Variants in TCF25 observed in about 807,000 individuals in gnomAD.
TCF25 encodes the protein TCF25 ribosome quality control complex subunit, also known as ribosome quality control complex subunit TCF25.
TCF25 carries 41 observed loss-of-function variants against 83.1 expected under a neutral mutation model. That is an observed-to-expected ratio of 0.49 (90% CI 0.38 to 0.64). The LOEUF (loss-of-function observed/expected upper bound fraction) is 0.64. Among genes scored for constraint, TCF25 ranks in the 30% least tolerant of loss-of-function variants. The pLI is 0.00. For synonymous variants in TCF25, 458 were observed against 365.0 expected, an observed-to-expected ratio of 1.25 and a Z score of -2.90; for missense variants, 979 against 914.5, an observed-to-expected ratio of 1.07 and a Z score of -0.91.
chr16:89,889,285 C>T, intron 5 of TCF25: 1 of 380,362 alleles, frequency 2.6e-6, no homozygotes, highest in South Asian at 2.0e-5. Flanking sequence ...TCAAGTGATC[C>T]TCCCATCTCA....
chr16:89,895,197 C>T, intron 8 of TCF25, 60 bp downstream of exon 8: 4 of 1,483,252 alleles, frequency 2.7e-6, no homozygotes, highest in African/African-American at 1.4e-5. Flanking sequence ...GCTATCAAGA[C>T]AGATGCGATG....
chr16:89,907,369 CTCCCAGT>C (rs143440936), intron 16 of TCF25, 47 bp downstream of exon 16: 428,969 of 758,316 alleles, frequency 0.57, 168,851 homozygotes, highest in Non-Finnish European at 0.63. Flanking sequence ...CACCTCCCTC[CTCCCAGT>C]TCCCAGCTCC....
intron 14 of TCF25, among the ~76,000 whole-genome samples, chr16:89,905,747 T>C (rs1322896944): frequency 6.6e-6 from 1 of 152,232 alleles, no homozygotes; most frequent in East Asian, 1.9e-4. Flanking sequence ...GCGTGTCTGC[T>C]GTCCCCACTG....
chr16:89,900,285 C>T (rs1278592572), intron 11 of TCF25, among the ~76,000 whole-genome samples: 4 of 151,992 alleles, frequency 2.6e-5, no homozygotes, highest in African/African-American at 4.8e-5. Flanking sequence ...CAGACTCGCG[C>T]GGGGGTGGGC....
intron 4 of TCF25, among the ~76,000 whole-genome samples, chr16:89,887,374 ACT>A (rs2043097767): frequency 6.6e-6 from 1 of 151,508 alleles, no homozygotes; most frequent in South Asian, 2.1e-4. Context: ...CACTGCCCCG[ACT>A]CAGCCTCAGA....
chr16:89,885,082 C>T (rs1056017508), intron 3 of TCF25, among the ~76,000 whole-genome samples: 8 of 137,690 alleles, frequency 5.8e-5, no homozygotes, highest in Admixed American at 4.4e-4. Context: ...CTCTGCCTGA[C>T]GCCCTCTCCC....
intron 1 of TCF25, chr16:89,874,575 CTT>C (rs2042027832): frequency 6.6e-6 from 1 of 152,446 alleles, no homozygotes; most frequent in African/African-American, 2.4e-5. Flanking sequence ...TAGTCTTACT[CTT>C]TGCTGCATCT....
At chr16:89,907,897 GCCTCCCA>G (rs1483487303) in intron 16 of TCF25, among the ~76,000 whole-genome samples, 1 of 13,532 alleles carries the variant, frequency 7.4e-5, no homozygotes, top group Non-Finnish European at 1.3e-4. Flanking sequence ...CCCAGCTCCC[GCCTCCCA>G]CCTCCCAGCT....
intron 16 of TCF25, among the ~76,000 whole-genome samples, chr16:89,908,593 TCCCGCCTCCC>T (rs2045226945): frequency 1.9e-5 from 1 of 51,746 alleles, no homozygotes; most frequent in Non-Finnish European, 4.6e-5. Context: ...ACCTCCCAGC[TCCCGCCTCCC>T]TCCTCCCAGC....
At chr16:89,880,573 G>C (rs898643371) in intron 1 of TCF25, among the ~76,000 whole-genome samples, 1 of 151,272 alleles carries the variant, frequency 6.6e-6, no homozygotes, top group Non-Finnish European at 1.5e-5. Context: ...AACAGAGCAA[G>C]ACTCCATCTC....
rs748352805 is a variant in TCF25 at position 89,883,520 on chromosome 16, G to C, written c.354+8G>C. On this transcript the variant is annotated splice_region_variant and intron_variant, in intron 2 of 17. Coordinates refer to ENST00000263346, the MANE Select transcript of TCF25 (RefSeq NM_014972.3). ...ACAGTGCCCTCAGAGCAGGTGGGGGGCTGAGTGGTGAGGAGGTGGCATCAG... is the reference window on the plus strand; with the variant it reads ...ACAGTGCCCTCAGAGCAGGTGGGGGCCTGAGTGGTGAGGAGGTGGCATCAG... 2.8e-5 allele frequency: 45 copies of C among 1,590,940 alleles called. No homozygotes were observed. Among genetic ancestry groups the C allele is most frequent in the Middle Eastern group, 1.8e-4 (1 of 5,656 alleles).
chr16:89,892,606 C>G (rs1690345118), intron 6 of TCF25, among the ~76,000 whole-genome samples: 1 of 152,244 alleles, frequency 6.6e-6, no homozygotes. Flanking sequence ...AACGCAGGTT[C>G]TTCCTACCAT....
intron 16 of TCF25, among the ~76,000 whole-genome samples, chr16:89,907,658 C>T: frequency 1.6e-5 from 2 of 125,218 alleles, no homozygotes; most frequent in African/African-American, 3.4e-5. Flanking sequence ...CCTCCCAGCT[C>T]CCAGCTCCCT....
chr16:89,899,989 G>T (rs565650976), intron 11 of TCF25, among the ~76,000 whole-genome samples: 1 of 152,324 alleles, frequency 6.6e-6, no homozygotes, highest in East Asian at 1.9e-4. Flanking sequence ...TCACCCCCAG[G>T]AATGTGGTTT....
intron 1 of TCF25, among the ~76,000 whole-genome samples, chr16:89,876,041 G>C (rs1416738964): frequency 6.6e-6 from 1 of 151,524 alleles, no homozygotes; most frequent in Non-Finnish European, 1.5e-5. Flanking sequence ...TATTTGTGTT[G>C]GTGGGAATTT....
Position 89,885,912 on chromosome 16 carries a change from G to A in TCF25, c.494G>A (p.Arg165His), listed in dbSNP as rs745567962. The A allele has an allele frequency of 3.5e-5, 56 of 1,610,260 alleles. No individual in the cohort carries two copies. Among genetic ancestry groups the A allele is most frequent in the Admixed American group, 8.4e-5 (5 of 59,744 alleles). Residue 165 changes from arginine to histidine, a missense_variant, in exon 4 of 18, where the codon CGT becomes CAT. Transcript: ENST00000263346. Reference sequence around the variant, plus strand: ...ATTGAGGACAGCACTGGGTTGAACCGTCCCGGCCCAGCTCCCCTGAGCTCC... The same window carrying A: ...ATTGAGGACAGCACTGGGTTGAACCATCCCGGCCCAGCTCCCCTGAGCTCC... ...ERIEDSTGLN[R>H]PGPAPLSSRK... is the part of the protein sequence containing the mutation.
At position 89,894,428 on chromosome 16, in the gene TCF25, C is replaced by G. The variant is rs550083217; in HGVS notation, c.828+570C>G. 1.2e-4 allele frequency among the ~76,000 whole-genome samples: 19 copies of G among 152,180 alleles called. No individual in the cohort carries two copies. The South Asian group carries it at 3.9e-3, about 32-fold the overall frequency. On this transcript the variant is annotated intron_variant, in intron 7 of 17. Coordinates refer to ENST00000263346, the MANE Select transcript of TCF25 (RefSeq NM_014972.3). ...CTCACGCAGCCGCCGGACAGCTCCC[C>G]TTGCAACCCCGGACAGCCTCCGCAG...
intron 9 of TCF25, among the ~76,000 whole-genome samples, chr16:89,896,975 T>C (rs1039727108): frequency 3.3e-5 from 5 of 151,122 alleles, no homozygotes; most frequent in African/African-American, 4.9e-5. Context: ...TGCAGTGAGC[T>C]GAGATGGTAC....
At chr16:89,887,126 T>G (rs2043076569) in intron 4 of TCF25, among the ~76,000 whole-genome samples, 1 of 152,058 alleles carries the variant, frequency 6.6e-6, no homozygotes. Context: ...CTCGACCTCC[T>G]GGGCTCAGGA....
Sources: gnomAD v4.1 joint callset for allele counts (sites outside exome capture counted in the v4.1 genomes callset) on GRCh38, gnomAD v4.1.1 for gene constraint, MANE v1.5 for transcripts, NCBI Gene and HGNC (gene_info 2026-07-23, HGNC 2026-07-21) for gene names.